The following PTK2 variants were observed in gnomAD, a reference collection of about 807,000 sequenced individuals.
The protein encoded by PTK2 is protein tyrosine kinase 2, also known as focal adhesion kinase 1.
Under a neutral mutation model 150.1 loss-of-function variants are expected in PTK2, and 45 were observed. The ratio of observed to expected loss-of-function variants is 0.30; its 90% CI spans 0.24 to 0.38. PTK2 has a LOEUF of 0.38. PTK2 is among the 10% of genes least tolerant of loss of function. The probability of loss-of-function intolerance (pLI) is 1.00; values close to 1 mark genes in which losing one functional copy is unlikely to be tolerated. For synonymous variants in PTK2, 432 were observed against 449.2 expected (o/e 0.96, Z 0.48); for missense variants, 919 against 1,307.3 (o/e 0.70, Z 4.58).
chr8:140,796,201 CTT>C (rs1367252497), intron 12 of PTK2, among the ~76,000 whole-genome samples: 1 of 152,146 alleles, frequency 6.6e-6, no homozygotes, highest in Non-Finnish European at 1.5e-5. Flanking sequence ...CTGTTTAATT[CTT>C]CTGATTTGCA....
At chr8:140,841,224 A>G (rs536345477) in intron 7 of PTK2, among the ~76,000 whole-genome samples, 1 of 152,298 alleles carries the variant, frequency 6.6e-6, no homozygotes, top group South Asian at 2.1e-4. Context: ...CAAAATGTTA[A>G]TAACTGTAGC....
At chr8:140,856,947 G>A (rs1170703319) in intron 5 of PTK2, among the ~76,000 whole-genome samples, 4 of 152,176 alleles carry the variant, frequency 2.6e-5, no homozygotes, top group African/African-American at 7.2e-5. Context: ...CATAACAAAC[G>A]TTAATGGTAG....
At chr8:140,764,764 C>T (rs913669109) in intron 14 of PTK2, among the ~76,000 whole-genome samples, 2 of 152,062 alleles carry the variant, frequency 1.3e-5, no homozygotes, top group African/African-American at 4.8e-5. Flanking sequence ...ATAAATGGTA[C>T]CTAATTTTTG....
chr8:140,925,011 T>C (rs1286335144), intron 2 of PTK2, among the ~76,000 whole-genome samples: 1 of 152,174 alleles, frequency 6.6e-6, no homozygotes, highest in Non-Finnish European at 1.5e-5. Flanking sequence ...TGGCCATATA[T>C]GAGAAGGTCC....
At chr8:140,689,397 G>C (rs572717047) in intron 26 of PTK2, among the ~76,000 whole-genome samples, 111 of 152,312 alleles carry the variant, frequency 7.3e-4, no homozygotes, top group African/African-American at 2.6e-3. Flanking sequence ...GAAAGATTTC[G>C]GGAAGACCCA....
chr8:140,808,126 G>A (rs1438528433), intron 10 of PTK2, among the ~76,000 whole-genome samples: 3 of 152,204 alleles, frequency 2.0e-5, no homozygotes, highest in Non-Finnish European at 4.4e-5. Flanking sequence ...TAAAAGAGGG[G>A]ATTTTAGGAT....
intron 1 of PTK2, among the ~76,000 whole-genome samples, chr8:140,989,148 C>T (rs899513975): frequency 4.8e-5 from 6 of 123,902 alleles, no homozygotes; most frequent in Non-Finnish European, 9.5e-5. Flanking sequence ...GAAGCAAAGG[C>T]GGGAGGACTG....
chr8:140,844,508 C>T (rs2154604130), intron 7 of PTK2, among the ~76,000 whole-genome samples: 1 of 152,290 alleles, frequency 6.6e-6, no homozygotes, highest in Non-Finnish European at 1.5e-5. Context: ...CAATCTAATA[C>T]TATGTAACTT....
chr8:140,921,486 T>TA (rs2100167426), intron 2 of PTK2, among the ~76,000 whole-genome samples: 1 of 152,206 alleles, frequency 6.6e-6, no homozygotes, highest in Non-Finnish European at 1.5e-5. Context: ...TTTATGACCT[T>TA]AGAGTTAAAA....
intron 14 of PTK2, among the ~76,000 whole-genome samples, chr8:140,767,199 T>C (rs1594722219): frequency 6.6e-6 from 1 of 152,064 alleles, no homozygotes; most frequent in Non-Finnish European, 1.5e-5. Flanking sequence ...GTGGAAAATA[T>C]CATGTTGCAT....
chr8:140,958,677 T>C (rs2100182058), intron 1 of PTK2, among the ~76,000 whole-genome samples: 1 of 152,244 alleles, frequency 6.6e-6, no homozygotes, highest in African/African-American at 2.4e-5. Flanking sequence ...AAAACTATAG[T>C]ATCCTTGCCC....
intron 26 of PTK2, among the ~76,000 whole-genome samples, chr8:140,691,187 A>T (rs2100022961): frequency 7.3e-6 from 1 of 137,552 alleles, no homozygotes. Context: ...CTTCTTTTAG[A>T]GATGGTTGGG....
chr8:140,928,392 C>T (rs1010806751), intron 1 of PTK2, among the ~76,000 whole-genome samples: 1 of 152,138 alleles, frequency 6.6e-6, no homozygotes. Context: ...TGGAAAACAA[C>T]ATGGGTGGTC....
intron 27 of PTK2, among the ~76,000 whole-genome samples, chr8:140,682,640 A>G (rs2153626138): frequency 6.6e-6 from 1 of 152,026 alleles, no homozygotes; most frequent in African/African-American, 2.4e-5. Context: ...TAATTAAAAA[A>G]AAAAAAAAAC....
intron 1 of PTK2, among the ~76,000 whole-genome samples, chr8:140,995,528 G>A (rs771242541): frequency 5.9e-5 from 9 of 152,188 alleles, no homozygotes; most frequent in Middle Eastern, 3.4e-3. Flanking sequence ...AGATAGGGCC[G>A]GGCACAGTGG....
rs148218361 is a variant in PTK2 at position 140,898,557 on chromosome 8, A to G, written c.-32-7788T>C. Among the ~76,000 whole-genome samples the G allele has an allele frequency of 3.3e-3, 509 of 152,332 alleles. 6 individuals are homozygous for G. Among genetic ancestry groups the G allele is most frequent in the African/African-American group, 0.012 (483 of 41,574 alleles). ...CCTCTTGAAGAAATAGGGCAGTTCC[A>G]AGTCCAGATGTGAAGAAAAAAGTGT... On this transcript the variant is annotated intron_variant, in intron 2 of 31. Transcript: ENST00000522684.
At chr8:140,967,461 CTTTTTT>C (rs137959476) in intron 1 of PTK2, among the ~76,000 whole-genome samples, 10 of 121,542 alleles carry the variant, frequency 8.2e-5, no homozygotes, top group African/African-American at 6.0e-5. Flanking sequence ...TTCTTTCTTT[CTTTTTT>C]TTTTTTTTTT....
At chr8:140,701,072 A>G (rs1408032074) in intron 25 of PTK2, 50 bp from the exon 29 acceptor site, 3 of 1,559,998 alleles carry the variant, frequency 1.9e-6, no homozygotes, top group Middle Eastern at 1.7e-4. Flanking sequence ...GTCTATTCCT[A>G]TGCTCTTACC....
intron 4 of PTK2, among the ~76,000 whole-genome samples, chr8:140,869,565 A>G (rs905707381): frequency 6.7e-6 from 1 of 150,256 alleles, no homozygotes; most frequent in Non-Finnish European, 1.5e-5. Flanking sequence ...TGGACAATAC[A>G]TAAGTAGTAA....
Sources: allele counts gnomAD v4.1 joint callset (sites outside exome capture counted in the v4.1 genomes callset), GRCh38; gene constraint gnomAD v4.1.1; transcripts MANE v1.5; gene names NCBI Gene and HGNC (gene_info 2026-07-23, HGNC 2026-07-21).